The following PALM2AKAP2 variants were observed in gnomAD, a reference collection of about 807,000 sequenced individuals.
PALM2AKAP2 encodes the protein PALM2 and AKAP2 fusion.
PALM2AKAP2 carries 37 observed loss-of-function variants against 71.5 expected under a neutral mutation model. The observed-to-expected ratio is 0.52, with a 90% CI of 0.40 to 0.68. PALM2AKAP2 has a LOEUF of 0.68. PALM2AKAP2 is among the 30% of genes least tolerant of loss of function. The pLI, the probability that PALM2AKAP2 is intolerant of heterozygous loss-of-function variation, is 0.00. For missense variants in PALM2AKAP2, 1,224 were observed against 1,191.8 expected (o/e 1.03, Z -0.40); for synonymous variants, 468 against 478.8 (o/e 0.98, Z 0.29).
intron 6 of PALM2AKAP2, among the ~76,000 whole-genome samples, chr9:109,970,075 C>G (rs961721884): frequency 2.0e-5 from 3 of 152,190 alleles, no homozygotes; most frequent in African/African-American, 7.2e-5. Context: ...GGGATGCAGT[C>G]TATCCAGCCC....
intron 7 of PALM2AKAP2, among the ~76,000 whole-genome samples, chr9:110,035,349 ATT>A (rs1311273561): frequency 1.4e-5 from 2 of 142,896 alleles, no homozygotes; most frequent in African/African-American, 5.1e-5. Flanking sequence ...TATTATATAT[ATT>A]ATATGTATAA....
intron 1 of PALM2AKAP2, among the ~76,000 whole-genome samples, chr9:109,766,258 A>T (rs1297993621): frequency 6.6e-6 from 1 of 152,160 alleles, no homozygotes; most frequent in Non-Finnish European, 1.5e-5. Flanking sequence ...GCCCAGTGGG[A>T]ATAGTATTGT....
chr9:109,642,413 A>C (rs1365675972), intron 1 of PALM2AKAP2, among the ~76,000 whole-genome samples: 1 of 151,218 alleles, frequency 6.6e-6, no homozygotes, highest in East Asian at 2.0e-4. Flanking sequence ...ATCATCTATT[A>C]TCTATGAATA....
intron 1 of PALM2AKAP2, among the ~76,000 whole-genome samples, chr9:109,701,091 G>T (rs544153717): frequency 7.2e-5 from 11 of 152,252 alleles, no homozygotes; most frequent in Admixed American, 7.2e-4. Context: ...ATGTAAGGTT[G>T]GGGTATATAT....
intron 1 of PALM2AKAP2, among the ~76,000 whole-genome samples, chr9:109,771,126 C>T (rs762199147): frequency 7.2e-5 from 11 of 152,180 alleles, no homozygotes; most frequent in East Asian, 1.9e-4. Flanking sequence ...AGAGCTCCTT[C>T]GAGGCTGTGA....
chr9:109,856,923 A>T (rs1297625029), intron 1 of PALM2AKAP2, among the ~76,000 whole-genome samples: 1 of 152,090 alleles, frequency 6.6e-6, no homozygotes, highest in Non-Finnish European at 1.5e-5. Flanking sequence ...TTTTGTGCAC[A>T]CTATCTTGTT....
intron 1 of PALM2AKAP2, among the ~76,000 whole-genome samples, chr9:110,102,103 G>A (rs1273553255): frequency 2.6e-5 from 4 of 152,224 alleles, no homozygotes; most frequent in African/African-American, 9.6e-5. Flanking sequence ...CAGTGAACAG[G>A]TGCAAAACCA....
At position 109,800,920 on chromosome 9, in the gene PALM2AKAP2, A is replaced by G. The variant is rs546569917; in HGVS notation, c.45+20387A>G. Among the ~76,000 whole-genome samples the G allele has an allele frequency of 8.5e-5, 13 of 152,342 alleles. No individual in the cohort carries two copies. In the East Asian group the frequency reaches 2.5e-3, roughly 29 times the overall value. ...AGGACTCAAAGCCTTGATACAGGCA[A>G]CTGGCTTATGTGTCAGTGTGGTAGT... On this transcript the variant is annotated intron_variant, in intron 1 of 9. Transcript: ENST00000302798.
chr9:109,814,599 T>G (rs1827806230), intron 1 of PALM2AKAP2, among the ~76,000 whole-genome samples: 1 of 152,120 alleles, frequency 6.6e-6, no homozygotes, highest in Non-Finnish European at 1.5e-5. Flanking sequence ...GACAGTGCAG[T>G]GGAAAAGATG....
chr9:109,851,529 T>TTATC (rs1410657069), intron 1 of PALM2AKAP2, among the ~76,000 whole-genome samples: 4 of 152,190 alleles, frequency 2.6e-5, no homozygotes, highest in Admixed American at 2.6e-4. Context: ...GATACACATG[T>TTATC]TATCTACCTG....
intron 1 of PALM2AKAP2, among the ~76,000 whole-genome samples, chr9:110,105,647 G>A (rs931397574): frequency 2.0e-5 from 3 of 152,158 alleles, no homozygotes; most frequent in African/African-American, 7.2e-5. Context: ...GTTCATTGGT[G>A]CTTAACCCAC....
intron 1 of PALM2AKAP2, among the ~76,000 whole-genome samples, chr9:109,854,364 T>C (rs1829097542): frequency 6.6e-6 from 1 of 152,230 alleles, no homozygotes; most frequent in South Asian, 2.1e-4. Context: ...ATGCAAGGGT[T>C]CCTATTCCGA....
intron 1 of PALM2AKAP2, chr9:109,760,310 G>A (rs1829031490): frequency 6.6e-6 from 1 of 152,118 alleles, no homozygotes; most frequent in Non-Finnish European, 1.5e-5. Flanking sequence ...GAACAAAGAG[G>A]AAAAGGGAGG....
At chr9:109,748,822 T>C (rs369559341) in intron 1 of PALM2AKAP2, among the ~76,000 whole-genome samples, 58 of 152,198 alleles carry the variant, frequency 3.8e-4, no homozygotes, top group Admixed American at 3.9e-4. Context: ...TAGTTTCTTC[T>C]GAGGCCTCTC....
At chr9:110,047,488 T>A (rs919191558), upstream of PALM2AKAP2, among the ~76,000 whole-genome samples, 6 of 152,214 alleles carry the variant, frequency 3.9e-5, no homozygotes, top group Non-Finnish European at 7.3e-5. Flanking sequence ...ATGGCTATTG[T>A]CTTTCCCTGC....
At chr9:109,722,495 G>A (rs1451383726) in intron 1 of PALM2AKAP2, among the ~76,000 whole-genome samples, 1 of 152,174 alleles carries the variant, frequency 6.6e-6, no homozygotes, top group Non-Finnish European at 1.5e-5. Flanking sequence ...ATAGGAGCTA[G>A]GCGAGATGCC....
chr9:110,107,171 G>A (rs563588569), intron 1 of PALM2AKAP2, among the ~76,000 whole-genome samples: 41 of 152,286 alleles, frequency 2.7e-4, no homozygotes, highest in African/African-American at 8.7e-4. Flanking sequence ...ATGAGTTTTA[G>A]TGTCCTATAG....
chr9:109,771,600 C>T (rs896668933), intron 1 of PALM2AKAP2, among the ~76,000 whole-genome samples: 3 of 152,192 alleles, frequency 2.0e-5, no homozygotes, highest in Admixed American at 6.5e-5. Context: ...AATTGACTAC[C>T]TGTTCTACAG....
chr9:109,964,622 G>A (rs1331100783), intron 6 of PALM2AKAP2, among the ~76,000 whole-genome samples: 1 of 152,176 alleles, frequency 6.6e-6, no homozygotes, highest in African/African-American at 2.4e-5. Flanking sequence ...CACTGGGGAG[G>A]CTGGCTTGCC....
Sources: allele counts gnomAD v4.1 joint callset (sites outside exome capture counted in the v4.1 genomes callset), GRCh38; gene constraint gnomAD v4.1.1; transcripts MANE v1.5; gene names NCBI Gene and HGNC (gene_info 2026-07-23, HGNC 2026-07-21).